B4GALT4: variants seen among roughly 807,000 people sequenced by gnomAD.
B4GALT4 encodes the protein beta-1,4-galactosyltransferase 4.
In B4GALT4, 27 loss-of-function variants were observed where a neutral mutation model predicts 37.3. The observed-to-expected ratio is 0.72, with a 90% confidence interval of 0.53 to 1.00. B4GALT4 has a LOEUF of 1.00. Among genes scored for constraint, B4GALT4 ranks in the 50% least tolerant of loss-of-function variants. The probability of loss-of-function intolerance (pLI) is 0.00; values close to 1 mark genes in which losing one functional copy is unlikely to be tolerated. For missense variants in B4GALT4, 372 were observed against 413.1 expected (o/e 0.90, Z 0.86); for synonymous variants, 148 against 154.1 (o/e 0.96, Z 0.29).
intron 6 of B4GALT4, among the ~76,000 whole-genome samples, chr3:119,216,619 A>T (rs1159104290): frequency 6.6e-6 from 1 of 152,210 alleles, no homozygotes; most frequent in Non-Finnish European, 1.5e-5. Context: ...GAGATGTGTT[A>T]GTTTATACTT....
At chr3:119,217,897 G>A (rs2107470131) in intron 6 of B4GALT4, among the ~76,000 whole-genome samples, 1 of 151,744 alleles carries the variant, frequency 6.6e-6, no homozygotes, top group East Asian at 1.9e-4. Context: ...ACAAGCAGGA[G>A]GGAAGGGGGC....
rs571546706 is a variant in B4GALT4, at chr3:119,220,757, C to T, written c.675-1985G>A. Among the ~76,000 whole-genome samples, 15 of 152,234 alleles carry T rather than the reference C, an allele frequency of 9.9e-5. No individual in the cohort carries two copies. In the South Asian group the frequency reaches 1.9e-3, roughly 19 times the overall value. On this transcript the variant is annotated intron_variant, in intron 5 of 7. Transcript: ENST00000393765. ...ATCCCAGCACTTTGGGAGGCCAAGG[C>T]GGACGGATCAAGAGGTCAGGAGATC...
At chr3:119,232,566 G>C (rs2078856356) in intron 2 of B4GALT4, 2 of 152,156 alleles carry the variant, frequency 1.3e-5, no homozygotes, top group Non-Finnish European at 2.9e-5. Context: ...GGTTCCCTTG[G>C]GGGCCTTCTA....
At chr3:119,230,422 T>C (rs2107524081) in intron 2 of B4GALT4, 178 bp from the exon 3 acceptor site, 1 of 315,908 alleles carries the variant, frequency 3.2e-6, no homozygotes, top group East Asian at 7.5e-5. Context: ...CAAGCATCAA[T>C]ACATCACAGA....
At chr3:119,220,244 T>A (rs974809038) in intron 5 of B4GALT4, among the ~76,000 whole-genome samples, 9 of 152,256 alleles carry the variant, frequency 5.9e-5, no homozygotes, top group Non-Finnish European at 1.3e-4. Flanking sequence ...CAGTGTCTCA[T>A]TACCATAGTT....
intron 4 of B4GALT4, 66 bp from the exon 5 acceptor site, chr3:119,224,311 G>T: frequency 7.6e-7 from 1 of 1,311,178 alleles, no homozygotes; most frequent in Non-Finnish European, 1.0e-6. Context: ...TTGCCTCTTA[G>T]TTAGGATTCA....
intron 6 of B4GALT4, 75 bp from the exon 7 acceptor site, chr3:119,216,419 C>G (rs911393776): frequency 1.1e-5 from 11 of 1,020,952 alleles, no homozygotes; most frequent in East Asian, 2.7e-5. Context: ...GCATCATTTG[C>G]GAAAATTTAT....
chr3:119,238,105 A>G (rs996877758), intron 1 of B4GALT4, among the ~76,000 whole-genome samples: 2 of 152,002 alleles, frequency 1.3e-5, no homozygotes, highest in Admixed American at 1.3e-4. Flanking sequence ...CTCCTCTACT[A>G]AAAGTACAAA....
At chr3:119,222,186 T>C (rs1013348408) in intron 5 of B4GALT4, among the ~76,000 whole-genome samples, 2 of 152,304 alleles carry the variant, frequency 1.3e-5, no homozygotes, top group Non-Finnish European at 2.9e-5. Context: ...CTATGGTAAG[T>C]GTCTAAGGTA....
intron 6 of B4GALT4, among the ~76,000 whole-genome samples, chr3:119,218,049 T>C (rs1283833848): frequency 2.0e-5 from 3 of 152,044 alleles, no homozygotes; most frequent in Non-Finnish European, 4.4e-5. Flanking sequence ...AAGCTGTGGG[T>C]GGAGGCCAGA....
At chr3:119,237,624 G>A (rs975586242) in intron 1 of B4GALT4, among the ~76,000 whole-genome samples, 2 of 152,202 alleles carry the variant, frequency 1.3e-5, no homozygotes, top group African/African-American at 4.8e-5. Context: ...ATAAGAGAAT[G>A]GACCTGGAAT....
intron 4 of B4GALT4, 27 bp downstream of exon 4, chr3:119,226,782 C>A (rs974700441): frequency 6.3e-7 from 1 of 1,593,838 alleles, no homozygotes; most frequent in Admixed American, 1.7e-5. Context: ...GGGTCGAGGG[C>A]AGGCCCTGGT....
At chr3:119,214,664 T>C (rs1320139143) in intron 7 of B4GALT4, 1 of 152,210 alleles carries the variant, frequency 6.6e-6, no homozygotes, top group East Asian at 1.9e-4. Flanking sequence ...GCTTGACTCT[T>C]TTCTCTTTAT....
intron 3 of B4GALT4, 33 bp from the exon 4 acceptor site, chr3:119,227,074 T>C (rs753847684): frequency 1.5e-5 from 24 of 1,587,516 alleles, no homozygotes; most frequent in South Asian, 1.4e-4. Flanking sequence ...ACAATAACAG[T>C]AGCTACTTCA....
intron 5 of B4GALT4, among the ~76,000 whole-genome samples, chr3:119,220,631 G>A (rs998845458): frequency 2.0e-5 from 3 of 152,150 alleles, no homozygotes; most frequent in African/African-American, 4.8e-5. Flanking sequence ...AAAGACACAG[G>A]CTGCCCGACG....
chr3:119,218,847 G>C (rs948745016), intron 5 of B4GALT4, 75 bp from the exon 6 acceptor site: 1 of 1,551,752 alleles, frequency 6.4e-7, no homozygotes, highest in African/African-American at 1.4e-5. Flanking sequence ...TGGCGTTCTA[G>C]GAACACCTGG....
At chr3:119,218,098 A>G (rs1368262247) in intron 6 of B4GALT4, among the ~76,000 whole-genome samples, 1 of 152,186 alleles carries the variant, frequency 6.6e-6, no homozygotes, top group African/African-American at 2.4e-5. Flanking sequence ...AAAGCAGTCC[A>G]AGAGAACCCA....
At chr3:119,236,025 G>A (rs535260155) in intron 2 of B4GALT4, 61 of 152,322 alleles carry the variant, frequency 4.0e-4, no homozygotes, top group Admixed American at 3.6e-3. Flanking sequence ...AGGTTCACCA[G>A]TGGATGCTAA....
chr3:119,218,794 A>T, intron 5 of B4GALT4, 22 bp from the exon 6 acceptor site: 1 of 1,613,592 alleles, frequency 6.2e-7, no homozygotes, highest in South Asian at 1.1e-5. Flanking sequence ...GAGATGAGAG[A>T]AATGGTAAGA....
Sources: allele counts gnomAD v4.1 joint callset (sites outside exome capture counted in the v4.1 genomes callset), GRCh38; gene constraint gnomAD v4.1.1; transcripts MANE v1.5; gene names NCBI Gene and HGNC (gene_info 2026-07-23, HGNC 2026-07-21).